Variants in MACROD2 observed in about 807,000 individuals in gnomAD.
MACROD2 encodes ADP-ribose glycohydrolase MACROD2.
A neutral mutation model predicts 70.4 loss-of-function variants in MACROD2; 36 were observed. The observed-to-expected ratio is 0.51, with a 90% CI of 0.39 to 0.68. The LOEUF is 0.68. MACROD2 is among the 30% of genes least tolerant of loss of function. The probability of loss-of-function intolerance (pLI) is 0.00; values close to 1 mark genes in which losing one functional copy is unlikely to be tolerated. For synonymous variants in MACROD2, 172 were observed against 178.8 expected (o/e 0.96, Z 0.30); for missense variants, 496 against 538.4 (o/e 0.92, Z 0.78).
intron 5 of MACROD2, among the ~76,000 whole-genome samples, chr20:15,189,518 TAAC>T (rs1477726413): frequency 6.6e-6 from 1 of 152,176 alleles, no homozygotes; most frequent in Non-Finnish European, 1.5e-5. Context: ...TGTTTTATAA[TAAC>T]ATCATAACTG....
chr20:15,958,096 A>G (rs1044254868), intron 12 of MACROD2, among the ~76,000 whole-genome samples: 1 of 152,234 alleles, frequency 6.6e-6, no homozygotes, highest in Admixed American at 6.5e-5. Flanking sequence ...TGAGAACATC[A>G]GAGACTTACA....
chr20:15,509,911 A>G (rs62193940), intron 8 of MACROD2, among the ~76,000 whole-genome samples: 4,855 of 152,292 alleles, frequency 0.032, 146 homozygotes, highest in East Asian at 0.16. Context: ...GCACAATCAG[A>G]CCTGTAAGAA....
At chr20:15,314,530 A>G (rs976057505) in intron 6 of MACROD2, among the ~76,000 whole-genome samples, 19 of 152,316 alleles carry the variant, frequency 1.2e-4, no homozygotes, top group Admixed American at 1.2e-3. Flanking sequence ...TTTGAAGCCC[A>G]TGTTCCCAGT....
intron 5 of MACROD2, among the ~76,000 whole-genome samples, chr20:15,192,273 A>G (rs1360951940): frequency 6.6e-6 from 1 of 152,138 alleles, no homozygotes; most frequent in Non-Finnish European, 1.5e-5. Flanking sequence ...TTGGCTTTCC[A>G]ACACTGCCAG....
chr20:14,128,063 A>G, intron 3 of MACROD2: 2 of 562,534 alleles, frequency 3.6e-6, no homozygotes, highest in Non-Finnish European at 7.0e-6. Context: ...TGAAACCTAC[A>G]ATGATGAGGG....
At chr20:15,145,398 G>A (rs930534961) in intron 5 of MACROD2, among the ~76,000 whole-genome samples, 5 of 151,866 alleles carry the variant, frequency 3.3e-5, no homozygotes, top group African/African-American at 9.7e-5. Context: ...TTTTTCATAC[G>A]ACACCAATAA....
At chr20:14,104,112 G>C (rs2054337357) in intron 3 of MACROD2, among the ~76,000 whole-genome samples, 1 of 152,104 alleles carries the variant, frequency 6.6e-6, no homozygotes, top group African/African-American at 2.4e-5. Flanking sequence ...CAAGGTGTAA[G>C]AGTATATATT....
chr20:14,700,034 GTTTAAAGTTTAAA>G lies in MACROD2; in HGVS notation c.418+15077_418+15089del, dbSNP rs1438100385. On this transcript the variant is annotated intron_variant, in intron 5 of 17. Transcript: ENST00000684519. ...TAAAGTTTAAATCTAGAAGTTTAAA[GTTTAAAGTTTAAA>G]TCTAGAAGTTTAAAGTTTAAATCTA... Among the ~76,000 whole-genome samples the G allele has an allele frequency of 6.3e-4, 95 of 150,638 alleles. 1 individual carries two copies. The highest frequency in any genetic ancestry group is 2.1e-3 in the African/African-American group (88 of 41,266).
At chr20:15,100,788 T>A (rs1452584234) in intron 5 of MACROD2, among the ~76,000 whole-genome samples, 1 of 152,170 alleles carries the variant, frequency 6.6e-6, no homozygotes, top group East Asian at 1.9e-4. Context: ...TGGGATGGTG[T>A]GAATTCCAGA....
intron 6 of MACROD2, among the ~76,000 whole-genome samples, chr20:15,234,572 C>A (rs1238763891): frequency 6.6e-6 from 1 of 152,092 alleles, no homozygotes; most frequent in Non-Finnish European, 1.5e-5. Flanking sequence ...ATGCATATGA[C>A]CTGAGGAATG....
chr20:14,292,046 C>T (rs774033437), intron 3 of MACROD2, among the ~76,000 whole-genome samples: 7 of 151,874 alleles, frequency 4.6e-5, no homozygotes, highest in Admixed American at 3.9e-4. Context: ...CTGTGAAGCA[C>T]GAATAGCATC....
intron 10 of MACROD2, among the ~76,000 whole-genome samples, chr20:15,903,574 T>C (rs2065097775): frequency 6.6e-6 from 1 of 151,944 alleles, no homozygotes; most frequent in Non-Finnish European, 1.5e-5. Flanking sequence ...TCTGATTCAG[T>C]AGGTTTGGGG....
chr20:14,538,836 C>A (rs1292006624), intron 4 of MACROD2, among the ~76,000 whole-genome samples: 1 of 152,128 alleles, frequency 6.6e-6, no homozygotes, highest in Non-Finnish European at 1.5e-5. Context: ...TAGCATGTAT[C>A]CCATTCTGAA....
intron 4 of MACROD2, chr20:14,547,507 A>C (rs2085505068): frequency 6.1e-6 from 1 of 163,120 alleles, no homozygotes; most frequent in African/African-American, 2.4e-5. Context: ...TGGATGGTAG[A>C]GCAAAACTGG....
chr20:15,221,822 A>C (rs1271556235), intron 5 of MACROD2, among the ~76,000 whole-genome samples: 1 of 152,236 alleles, frequency 6.6e-6, no homozygotes, highest in African/African-American at 2.4e-5. Flanking sequence ...CAAACATAAT[A>C]ACATTATCAC....
chr20:14,016,107 A>G (rs992495449), intron 2 of MACROD2, among the ~76,000 whole-genome samples: 1 of 152,130 alleles, frequency 6.6e-6, no homozygotes, highest in African/African-American at 2.4e-5. Flanking sequence ...CCCACCACCA[A>G]TGCACAGGGG....
rs910208494 is a variant in MACROD2, at chr20:14,697,487, T to C, written c.418+12528T>C. Among the ~76,000 whole-genome samples the C allele has an allele frequency of 4.7e-4, 71 of 152,332 alleles. 1 individual carries two copies. Among genetic ancestry groups the C allele is most frequent in the African/African-American group, 1.6e-3 (68 of 41,588 alleles). Reference sequence around the variant, plus strand: ...TCCTTAAATTCTCTGTGTTGTGCAATGGCAGGATTTCTCCATATACCAAAT... The same window carrying C: ...TCCTTAAATTCTCTGTGTTGTGCAACGGCAGGATTTCTCCATATACCAAAT... On this transcript the variant is annotated intron_variant, in intron 5 of 17. Coordinates refer to ENST00000684519, the MANE Select transcript of MACROD2 (RefSeq NM_001351661.2).
At chr20:15,878,849 T>C in intron 9 of MACROD2, among the ~76,000 whole-genome samples, 1 of 152,122 alleles carries the variant, frequency 6.6e-6, no homozygotes, top group East Asian at 1.9e-4. Flanking sequence ...AAAGCTAGCT[T>C]TTACCCAAAA....
chr20:15,700,398 G>A (rs936778134), intron 8 of MACROD2, among the ~76,000 whole-genome samples: 2 of 152,184 alleles, frequency 1.3e-5, no homozygotes, highest in Non-Finnish European at 2.9e-5. Flanking sequence ...CTGTTCCCTT[G>A]GGGCGTGGAA....
Sources: gnomAD v4.1 joint callset for allele counts (sites outside exome capture counted in the v4.1 genomes callset) on GRCh38, gnomAD v4.1.1 for gene constraint, MANE v1.5 for transcripts, NCBI Gene and HGNC (gene_info 2026-07-23, HGNC 2026-07-21) for gene names.